The following SRGAP2C variants were observed in gnomAD, a reference collection of about 807,000 sequenced individuals.
The protein encoded by SRGAP2C is SLIT-ROBO Rho GTPase activating protein 2C, also known as SLIT-ROBO Rho GTPase-activating protein 2C.
SRGAP2C carries 15 observed loss-of-function variants against 25.1 expected under a neutral mutation model. That is an observed-to-expected ratio of 0.60 (90% CI 0.40 to 0.92). SRGAP2C has a LOEUF of 0.92. Among genes scored for constraint, SRGAP2C ranks in the 40% least tolerant of loss-of-function variants. SRGAP2C has a pLI of 0.00. For missense variants in SRGAP2C, 144 were observed against 264.4 expected, an observed-to-expected ratio of 0.54 and a Z score of 3.16; for synonymous variants, 44 against 96.6, an observed-to-expected ratio of 0.46 and a Z score of 3.19.
At chr1:121,282,749 A>G (rs1448150077) in intron 2 of SRGAP2C, among the ~76,000 whole-genome samples, 2 of 144,344 alleles carry the variant, frequency 1.4e-5, no homozygotes, top group Non-Finnish European at 3.1e-5. Context: ...TAGTAGAGAC[A>G]GGGTTTCACC....
At chr1:121,289,137 G>A (rs1553337256) in intron 3 of SRGAP2C, among the ~76,000 whole-genome samples, 44 of 147,276 alleles carry the variant, frequency 3.0e-4, no homozygotes, top group African/African-American at 1.0e-3. Flanking sequence ...CGATGGGACT[G>A]GGCGCCATGG....
chr1:121,265,773 A>G (rs1286411416), intron 2 of SRGAP2C, among the ~76,000 whole-genome samples: 1 of 151,862 alleles, frequency 6.6e-6, no homozygotes, highest in Non-Finnish European at 1.5e-5. Context: ...CAATTTGGAT[A>G]TGTTTATCTC....
chr1:121,273,384 T>G (rs1255464695), intron 2 of SRGAP2C, among the ~76,000 whole-genome samples: 24 of 120,390 alleles, frequency 2.0e-4, no homozygotes, highest in African/African-American at 5.3e-4. Flanking sequence ...CTGAAGGATC[T>G]GCTGGGCAGA....
At chr1:121,258,577 T>G (rs1168224817) in intron 2 of SRGAP2C, among the ~76,000 whole-genome samples, 2 of 151,412 alleles carry the variant, frequency 1.3e-5, no homozygotes, top group Non-Finnish European at 2.9e-5. Context: ...GAGATTCTCC[T>G]GCATCAGCCT....
chr1:121,273,693 A>G (rs1553335670), intron 2 of SRGAP2C, among the ~76,000 whole-genome samples: 2 of 151,724 alleles, frequency 1.3e-5, no homozygotes, highest in African/African-American at 4.8e-5. Flanking sequence ...GCATCTCTGA[A>G]CAGTCCACTG....
At chr1:121,211,317 A>G (rs1553323615) in intron 2 of SRGAP2C, among the ~76,000 whole-genome samples, 1 of 147,718 alleles carries the variant, frequency 6.8e-6, no homozygotes, top group African/African-American at 2.5e-5. Context: ...GATGGAGATG[A>G]AGTGGTACAT....
intron 4 of SRGAP2C, among the ~76,000 whole-genome samples, chr1:121,348,813 A>AG (rs1658819240): frequency 7.3e-6 from 1 of 137,302 alleles, no homozygotes; most frequent in Admixed American, 7.7e-5. Context: ...TAGCGTCTGT[A>AG]AGTACTAAGT....
intron 3 of SRGAP2C, among the ~76,000 whole-genome samples, chr1:121,308,905 C>T (rs1657912578): frequency 7.9e-6 from 1 of 126,632 alleles, no homozygotes; most frequent in Admixed American, 8.6e-5. Context: ...CACCATTGCA[C>T]TCTAGCCTGG....
At chr1:121,378,035 T>C (rs1488112072) in intron 7 of SRGAP2C, among the ~76,000 whole-genome samples, 1 of 151,712 alleles carries the variant, frequency 6.6e-6, no homozygotes, top group Non-Finnish European at 1.5e-5. Flanking sequence ...CAGAGGAAGA[T>C]CTCAGTCTCA....
At chr1:121,281,220 G>T (rs1416816828) in intron 2 of SRGAP2C, among the ~76,000 whole-genome samples, 1 of 151,300 alleles carries the variant, frequency 6.6e-6, no homozygotes, top group East Asian at 1.9e-4. Flanking sequence ...CTGTCTTGGA[G>T]CTGTACGCCT....
intron 2 of SRGAP2C, among the ~76,000 whole-genome samples, chr1:121,274,020 A>G (rs1415519181): frequency 6.6e-6 from 1 of 150,934 alleles, no homozygotes; most frequent in African/African-American, 2.4e-5. Flanking sequence ...GGTGATGCAT[A>G]AACTGAATCT....
chr1:121,293,566 A>G (rs1387160791), intron 3 of SRGAP2C, among the ~76,000 whole-genome samples: 1 of 152,066 alleles, frequency 6.6e-6, no homozygotes, highest in Non-Finnish European at 1.5e-5. Context: ...TGTGAGGACA[A>G]GAATTAATGG....
chr1:121,379,294 G>A (rs1429049158), intron 7 of SRGAP2C, among the ~76,000 whole-genome samples: 1 of 151,752 alleles, frequency 6.6e-6, no homozygotes, highest in Non-Finnish European at 1.5e-5. Flanking sequence ...GGGTTAATGA[G>A]CTATCAACTC....
chr1:121,297,675 G>T (rs1459948108), intron 3 of SRGAP2C, among the ~76,000 whole-genome samples: 1 of 147,540 alleles, frequency 6.8e-6, no homozygotes, highest in Non-Finnish European at 1.5e-5. Flanking sequence ...TGATAGTTAA[G>T]ATCACAAGTT....
chr1:121,306,309 G>T (rs1430048228), intron 3 of SRGAP2C, among the ~76,000 whole-genome samples: 1 of 136,604 alleles, frequency 7.3e-6, no homozygotes. Flanking sequence ...ATTGCTTTCA[G>T]AATCCTCATT....
intron 7 of SRGAP2C, among the ~76,000 whole-genome samples, chr1:121,375,750 G>A (rs1479684890): frequency 6.6e-6 from 1 of 151,778 alleles, no homozygotes; most frequent in African/African-American, 2.4e-5. Flanking sequence ...AGGTTTCTCG[G>A]TGTTAACTCA....
At chr1:121,223,356 TG>T (rs1655583324) in intron 2 of SRGAP2C, among the ~76,000 whole-genome samples, 1 of 33,038 alleles carries the variant, frequency 3.0e-5, no homozygotes, top group African/African-American at 1.7e-4. Flanking sequence ...GGAGTTTGTG[TG>T]TGTGTGTGTG....
At chr1:121,308,871 G>A (rs1553339772) in intron 3 of SRGAP2C, among the ~76,000 whole-genome samples, 36 of 141,272 alleles carry the variant, frequency 2.5e-4, no homozygotes, top group African/African-American at 9.1e-4. Flanking sequence ...CCCAGGAGGC[G>A]GAGGTTGCGG....
At chr1:121,264,097 G>T (rs1656702929) in intron 2 of SRGAP2C, among the ~76,000 whole-genome samples, 2 of 151,784 alleles carry the variant, frequency 1.3e-5, no homozygotes, top group South Asian at 4.2e-4. Flanking sequence ...AGTGATTCTG[G>T]GGCTGTCTGT....
Sources: allele counts gnomAD v4.1 joint callset (sites outside exome capture counted in the v4.1 genomes callset), GRCh38; gene constraint gnomAD v4.1.1; transcripts MANE v1.5; gene names NCBI Gene and HGNC (gene_info 2026-07-23, HGNC 2026-07-21).